ALK: variants seen among roughly 807,000 people sequenced by gnomAD.
ALK encodes ALK receptor tyrosine kinase.
In ALK, 74 loss-of-function variants were observed where a neutral mutation model predicts 163.1. That is an observed-to-expected ratio of 0.45 (90% CI 0.38 to 0.55). ALK has a LOEUF of 0.55. Among genes scored for constraint, ALK ranks in the 20% least tolerant of loss-of-function variants. The pLI, the probability that ALK is intolerant of heterozygous loss-of-function variation, is 0.00. For missense variants in ALK, 2,063 were observed against 2,105.3 expected, an observed-to-expected ratio of 0.98 and a Z score of 0.39; for synonymous variants, 960 against 843.2, an observed-to-expected ratio of 1.14 and a Z score of -2.40.
chr2:29,826,090 G>A (rs1665189180), intron 1 of ALK, among the ~76,000 whole-genome samples: 1 of 152,024 alleles, frequency 6.6e-6, no homozygotes, highest in Non-Finnish European at 1.5e-5. Flanking sequence ...GTGCCCACCT[G>A]CAACTGTCCT....
intron 8 of ALK, among the ~76,000 whole-genome samples, chr2:29,313,971 T>C (rs1558665563): frequency 6.6e-6 from 1 of 152,140 alleles, no homozygotes; most frequent in African/African-American, 2.4e-5. Context: ...CCTCTCTTTT[T>C]CCCATCTTCA....
At chr2:29,447,898 G>A (rs764585297) in intron 4 of ALK, among the ~76,000 whole-genome samples, 2 of 152,136 alleles carry the variant, frequency 1.3e-5, no homozygotes, top group Non-Finnish European at 1.5e-5. Flanking sequence ...GGGGTGGGGT[G>A]GGGAGAAAGG....
At chr2:29,358,375 A>T (rs747094817) in intron 5 of ALK, among the ~76,000 whole-genome samples, 1 of 152,246 alleles carries the variant, frequency 6.6e-6, no homozygotes, top group African/African-American at 2.4e-5. Flanking sequence ...AAAAGTAAAG[A>T]TGGAGAAAAC....
intron 5 of ALK, among the ~76,000 whole-genome samples, chr2:29,366,036 AG>A (rs1271800051): frequency 1.3e-5 from 2 of 152,168 alleles, no homozygotes; most frequent in African/African-American, 4.8e-5. Flanking sequence ...TGGGTTGGGG[AG>A]GGCAGATACA....
At chr2:29,550,271 G>A (rs752685367) in intron 3 of ALK, among the ~76,000 whole-genome samples, 3 of 152,126 alleles carry the variant, frequency 2.0e-5, no homozygotes, top group African/African-American at 2.4e-5. Flanking sequence ...ACTGAGACTC[G>A]GAGATATCAA....
intron 3 of ALK, among the ~76,000 whole-genome samples, chr2:29,563,555 G>A (rs1047818745): frequency 6.6e-6 from 1 of 152,190 alleles, no homozygotes; most frequent in Non-Finnish European, 1.5e-5. Context: ...ATATCAAAGG[G>A]ATGGAGAGGA....
intron 3 of ALK, among the ~76,000 whole-genome samples, chr2:29,546,505 G>A (rs1673558232): frequency 6.6e-6 from 1 of 152,208 alleles, no homozygotes; most frequent in Non-Finnish European, 1.5e-5. Context: ...CAGGAGGAAG[G>A]AGAGATAAAA....
At chr2:29,590,512 C>G (rs1675018678) in intron 3 of ALK, among the ~76,000 whole-genome samples, 1 of 152,128 alleles carries the variant, frequency 6.6e-6, no homozygotes, top group Non-Finnish European at 1.5e-5. Context: ...AAGAAACTTG[C>G]TAAGTCAGTT....
At chr2:29,678,484 AAT>A (rs1427935383) in intron 3 of ALK, among the ~76,000 whole-genome samples, 1 of 151,324 alleles carries the variant, frequency 6.6e-6, no homozygotes, top group Non-Finnish European at 1.5e-5. Flanking sequence ...CATAAGTTTT[AAT>A]ATGTTTTATT....
chr2:29,359,832 A>C (rs1668346484), intron 5 of ALK, among the ~76,000 whole-genome samples: 1 of 152,056 alleles, frequency 6.6e-6, no homozygotes, highest in African/African-American at 2.4e-5. Flanking sequence ...TCCACCTAAC[A>C]CAGTTAAGCA....
At chr2:29,744,623 CAG>C (rs1342543862) in intron 1 of ALK, among the ~76,000 whole-genome samples, 2 of 152,016 alleles carry the variant, frequency 1.3e-5, no homozygotes, top group East Asian at 3.9e-4. Context: ...TTGATTGAGA[CAG>C]AGTCTCTCTC....
chr2:29,699,570 C>T (rs1330302271), intron 2 of ALK, among the ~76,000 whole-genome samples: 1 of 152,170 alleles, frequency 6.6e-6, no homozygotes, highest in Non-Finnish European at 1.5e-5. Context: ...TACTCTTAGA[C>T]CCAAAGCCTG....
rs147215392 is a variant in ALK, at chr2:29,918,974, C to G, written c.667+1019G>C. On this transcript the variant is annotated intron_variant, in intron 1 of 28. Transcript: ENST00000389048. ...TCACAAGTCTTCCCCAGTTGTCTTA[C>G]AAGAAGAACATCGATTCAAAACCAC... Among the ~76,000 whole-genome samples, 417 of 152,234 alleles carry G rather than the reference C, an allele frequency of 2.7e-3. 6 individuals are homozygous for G. In the Middle Eastern group the frequency reaches 0.041, roughly 15 times the overall value.
intron 3 of ALK, among the ~76,000 whole-genome samples, chr2:29,596,408 T>G (rs1011371451): frequency 2.6e-5 from 4 of 152,212 alleles, no homozygotes; most frequent in Non-Finnish European, 5.9e-5. Flanking sequence ...TCACTCAACA[T>G]GTCCAAAACA....
At chr2:29,771,683 T>C (rs188271443) in intron 1 of ALK, among the ~76,000 whole-genome samples, 2,323 of 152,170 alleles carry the variant, frequency 0.015, 23 homozygotes, top group Non-Finnish European at 0.024. Flanking sequence ...TACAGGCGCC[T>C]GCCACCATGC....
intron 4 of ALK, among the ~76,000 whole-genome samples, chr2:29,454,326 C>G (rs1359328893): frequency 6.6e-6 from 1 of 152,166 alleles, no homozygotes; most frequent in Non-Finnish European, 1.5e-5. Flanking sequence ...TGCATATAAC[C>G]TACACATATC....
intron 5 of ALK, among the ~76,000 whole-genome samples, chr2:29,340,559 G>A (rs1025155630): frequency 6.6e-6 from 1 of 152,176 alleles, no homozygotes; most frequent in Admixed American, 6.5e-5. Flanking sequence ...TAGCCACCGG[G>A]TGCTGATGCC....
chr2:29,821,232 C>T (rs1665039732), intron 1 of ALK, among the ~76,000 whole-genome samples: 1 of 152,094 alleles, frequency 6.6e-6, no homozygotes, highest in African/African-American at 2.4e-5. Context: ...CACCAACCAC[C>T]CATCTTCTCC....
intron 5 of ALK, among the ~76,000 whole-genome samples, chr2:29,376,414 A>C (rs1668753933): frequency 6.6e-6 from 1 of 152,260 alleles, no homozygotes; most frequent in South Asian, 2.1e-4. Context: ...TAACTCAAAG[A>C]TGCCCTTTAA....
Sources: gnomAD v4.1 joint callset for allele counts (sites outside exome capture counted in the v4.1 genomes callset) on GRCh38, gnomAD v4.1.1 for gene constraint, MANE v1.5 for transcripts, NCBI Gene and HGNC (gene_info 2026-07-23, HGNC 2026-07-21) for gene names.